The following RGSL1 variants were observed in gnomAD, a reference collection of about 807,000 sequenced individuals.
The protein encoded by RGSL1 is regulator of G protein signaling protein-like.
In RGSL1, 97 loss-of-function variants were observed where a neutral mutation model predicts 124.7. The observed-to-expected ratio is 0.78, with a 90% CI of 0.66 to 0.92. The LOEUF (loss-of-function observed/expected upper bound fraction) is 0.92, where lower values mean the gene tolerates loss of function less well. Ranked by LOEUF, RGSL1 falls within the 40% of genes least tolerant of loss-of-function variation. The pLI, the probability that RGSL1 is intolerant of heterozygous loss-of-function variation, is 0.00. For missense variants in RGSL1, 1,233 were observed against 1,288.4 expected, an observed-to-expected ratio of 0.96 and a Z score of 0.66; for synonymous variants, 424 against 438.1, an observed-to-expected ratio of 0.97 and a Z score of 0.40.
chr1:182,509,672 A>C (rs1478331418), intron 9 of RGSL1, among the ~76,000 whole-genome samples: 34 of 83,228 alleles, frequency 4.1e-4, no homozygotes, highest in African/African-American at 5.5e-4. Context: ...GGGGGGCTGA[A>C]CCCCCCACCT....
chr1:182,515,351 C>T (rs575723549), intron 9 of RGSL1, among the ~76,000 whole-genome samples: 7 of 152,000 alleles, frequency 4.6e-5, no homozygotes, highest in Admixed American at 1.3e-4. Flanking sequence ...GTTTTCCTTT[C>T]TAGGGCTGCA....
intron 6 of RGSL1, among the ~76,000 whole-genome samples, chr1:182,480,080 A>G (rs192540119): frequency 6.6e-6 from 1 of 152,306 alleles, no homozygotes; most frequent in East Asian, 1.9e-4. Context: ...TAATGGATAC[A>G]TCATACGGAC....
chr1:182,459,959 T>C (rs1468351867), intron 3 of RGSL1, 45 bp from the exon 4 acceptor site: 1 of 1,536,592 alleles, frequency 6.5e-7, no homozygotes, highest in African/African-American at 1.4e-5. Flanking sequence ...TTTTAGCAGT[T>C]CGGTTTCACT....
intron 9 of RGSL1, among the ~76,000 whole-genome samples, chr1:182,516,273 C>T (rs1162786548): frequency 1.3e-5 from 2 of 152,176 alleles, no homozygotes; most frequent in African/African-American, 2.4e-5. Flanking sequence ...GGCTTGGGAG[C>T]GGGCCCTTTG....
intron 15 of RGSL1, among the ~76,000 whole-genome samples, chr1:182,546,050 AG>A (rs1660192117): frequency 6.6e-6 from 1 of 152,118 alleles, no homozygotes; most frequent in South Asian, 2.1e-4. Context: ...AATAATTTTT[AG>A]ATTTGCTCTT....
At chr1:182,530,131 T>A in intron 11 of RGSL1, 113 bp from the exon 12 acceptor site, 1 of 704,524 alleles carries the variant, frequency 1.4e-6, no homozygotes, top group Non-Finnish European at 2.3e-6. Flanking sequence ...TCTAGCCAGA[T>A]TGAAAATGGG....
intron 4 of RGSL1, among the ~76,000 whole-genome samples, chr1:182,470,713 G>A (rs1265649802): frequency 6.6e-6 from 1 of 152,034 alleles, no homozygotes; most frequent in African/African-American, 2.4e-5. Context: ...GGGATTTTTT[G>A]TTCTGTTTGC....
At chr1:182,458,463 T>C in intron 3 of RGSL1, 70 bp downstream of exon 3, 1 of 1,322,340 alleles carries the variant, frequency 7.6e-7, no homozygotes, top group Non-Finnish European at 1.1e-6. Flanking sequence ...TTTTTTGTTG[T>C]TAATTTGTTT....
chr1:182,513,157 C>T (rs1227599853), intron 9 of RGSL1, among the ~76,000 whole-genome samples: 4 of 152,242 alleles, frequency 2.6e-5, no homozygotes, highest in African/African-American at 9.6e-5. Context: ...CTGTTGATAT[C>T]ATTTTCCCCC....
chr1:182,486,158 T>C (rs146945032), intron 6 of RGSL1, among the ~76,000 whole-genome samples: 2 of 152,276 alleles, frequency 1.3e-5, no homozygotes, highest in East Asian at 3.9e-4. Flanking sequence ...AAAACTATTA[T>C]AGGGTTTTTA....
intron 4 of RGSL1, chr1:182,460,714 T>C: frequency 2.2e-6 from 1 of 456,056 alleles, no homozygotes; most frequent in Non-Finnish European, 4.4e-6. Flanking sequence ...AGGAATCTGT[T>C]TCCTCATCTA....
Position 182,488,352 on chromosome 1 carries a change from GA to G in RGSL1, c.1494+7del, listed in dbSNP as rs1196511113. The stretch of plus-strand genomic sequence containing the variant: ...TACTGGTTTCTCCTTTTTACGGTAG[GA>G]AGGACTTTGGGTTAGGAAGGAATCA... On this transcript the variant is annotated splice_donor_region_variant and intron_variant, in intron 7 of 21. Coordinates refer to ENST00000294854, the MANE Select transcript of RGSL1 (RefSeq NM_001137669.2). 6.4e-7 allele frequency: 1 copy of G among 1,552,006 alleles called. No homozygotes were observed. Among genetic ancestry groups the G allele is most frequent in the Non-Finnish European group, 8.7e-7 (1 of 1,146,826 alleles).
At chr1:182,491,082 C>G (rs2102103706) in intron 8 of RGSL1, among the ~76,000 whole-genome samples, 2 of 150,544 alleles carry the variant, frequency 1.3e-5, no homozygotes, top group South Asian at 4.2e-4. Context: ...AGAGATGGGT[C>G]TTGCCATGTT....
rs1418672564 is a variant in RGSL1 at position 182,551,130 on chromosome 1, C to T, written c.2964C>T (p.Tyr988=). 2 of 1,551,574 alleles carry T rather than the reference C, an allele frequency of 1.3e-6. No individual in the cohort carries two copies. Among genetic ancestry groups the T allele is most frequent in the Admixed American group, 2.0e-5 (1 of 50,982 alleles). The change falls in exon 18 of 22, where the codon TAC becomes TAT. Residue 988 remains tyrosine, a synonymous_variant. Coordinates refer to ENST00000294854, the MANE Select transcript of RGSL1 (RefSeq NM_001137669.2). ...GTTTCTGGAAGGCAACCCGCTCTTA[C>T]TTACAGTATAGGGGGAAGAAGTTCA... is the stretch of plus-strand genomic sequence containing the variant. ...RFCFWKATRS[Y]LQYRGKKFKD... is the part of the protein sequence containing the mutation.
intron 9 of RGSL1, among the ~76,000 whole-genome samples, chr1:182,507,923 G>C (rs186112005): frequency 6.6e-6 from 1 of 151,876 alleles, no homozygotes; most frequent in Non-Finnish European, 1.5e-5. Context: ...GGCTGATCTC[G>C]AACTCCCGGG....
At position 182,460,120 on chromosome 1, in the gene RGSL1, G is replaced by A; in HGVS notation, c.288G>A (p.Lys96=). The stretch of plus-strand genomic sequence containing the variant: ...GTCAGGAGTTCATCAGTTTCATTAA[G>A]TCCCCAGAAGGAGGTAAGCATTGGT... ...ILCQEFISFI[K]SPEGGEELVD... The change falls in exon 4 of 22, where the codon AAG becomes AAA. Residue 96 remains lysine (K), a synonymous_variant. Coordinates refer to ENST00000294854, the MANE Select transcript of RGSL1 (RefSeq NM_001137669.2). 1 of 1,550,946 alleles carries A rather than the reference G, an allele frequency of 6.4e-7. No homozygotes were observed. Among genetic ancestry groups the A allele is most frequent in the Non-Finnish European group, 8.7e-7 (1 of 1,146,774 alleles).
intron 4 of RGSL1, among the ~76,000 whole-genome samples, chr1:182,466,139 A>G (rs760882926): frequency 6.6e-6 from 1 of 152,180 alleles, no homozygotes. Context: ...AAAATGTCCA[A>G]CGAACTAGGA....
intron 9 of RGSL1, among the ~76,000 whole-genome samples, chr1:182,508,290 GTTTTTTTTTTTTTTT>G (rs58641894): frequency 7.4e-5 from 4 of 53,786 alleles, no homozygotes; most frequent in African/African-American, 3.2e-4. Context: ...TGGTGGTGGT[GTTTTTTTTTTTTTTT>G]TTTTTTTTTT....
At chr1:182,524,111 A>T (rs138693102) in intron 10 of RGSL1, among the ~76,000 whole-genome samples, 1,905 of 152,294 alleles carry the variant, frequency 0.013, 41 homozygotes, top group African/African-American at 0.043. Context: ...CGGTGAAGGG[A>T]CATAAAACAT....
Sources: allele counts gnomAD v4.1 joint callset (sites outside exome capture counted in the v4.1 genomes callset), GRCh38; gene constraint gnomAD v4.1.1; transcripts MANE v1.5; gene names NCBI Gene and HGNC (gene_info 2026-07-23, HGNC 2026-07-21).